The following RIT2 variants were observed in gnomAD, a reference collection of about 807,000 sequenced individuals.
RIT2 encodes Ras like without CAAX 2.
Under a neutral mutation model 23.7 loss-of-function variants are expected in RIT2, and 24 were observed. The observed-to-expected ratio is 1.01, with a 90% confidence interval of 0.73 to 1.43. The LOEUF (loss-of-function observed/expected upper bound fraction) is 1.43. Ranked by LOEUF, RIT2 falls within the 40% of genes most tolerant of loss-of-function variation. The pLI is 0.00. For synonymous variants in RIT2, 107 were observed against 91.1 expected (o/e 1.17, Z -0.99); for missense variants, 236 against 266.9 (o/e 0.88, Z 0.81).
chr18:42,789,997 T>G (rs1454747914), intron 4 of RIT2, among the ~76,000 whole-genome samples: 1 of 152,180 alleles, frequency 6.6e-6, no homozygotes, highest in Non-Finnish European at 1.5e-5. Flanking sequence ...TGTATATTCC[T>G]TCTATTCCTA....
At chr18:42,899,156 T>C (rs1485735259) in intron 4 of RIT2, among the ~76,000 whole-genome samples, 2 of 151,870 alleles carry the variant, frequency 1.3e-5, no homozygotes, top group Non-Finnish European at 2.9e-5. Flanking sequence ...TACTTTACAG[T>C]TTCTTTCACT....
At chr18:42,755,756 G>A (rs932423823) in intron 4 of RIT2, among the ~76,000 whole-genome samples, 1 of 152,120 alleles carries the variant, frequency 6.6e-6, no homozygotes, top group Non-Finnish European at 1.5e-5. Context: ...ATACAGCTGA[G>A]GCTACAATAA....
At chr18:42,935,498 T>C (rs1477256893) in intron 3 of RIT2, among the ~76,000 whole-genome samples, 1 of 152,132 alleles carries the variant, frequency 6.6e-6, no homozygotes, top group Non-Finnish European at 1.5e-5. Context: ...GACTCACCCA[T>C]CCAGCACTTA....
intron 2 of RIT2, among the ~76,000 whole-genome samples, chr18:43,027,260 T>C (rs1473534930): frequency 6.6e-6 from 1 of 152,110 alleles, no homozygotes; most frequent in Non-Finnish European, 1.5e-5. Flanking sequence ...TCTGAGCAGC[T>C]TTATAGCAAG....
At chr18:43,016,515 T>G (rs1168551455) in intron 2 of RIT2, among the ~76,000 whole-genome samples, 2 of 151,844 alleles carry the variant, frequency 1.3e-5, no homozygotes. Flanking sequence ...ATATAAATTC[T>G]AAATGTACAG....
At chr18:43,105,183 A>G (rs867674696) in intron 1 of RIT2, among the ~76,000 whole-genome samples, 31 of 151,574 alleles carry the variant, frequency 2.0e-4, no homozygotes, top group African/African-American at 7.3e-4. Context: ...TAGGATGAAT[A>G]AAGGGATTGT....
intron 2 of RIT2, among the ~76,000 whole-genome samples, chr18:43,028,568 T>C (rs1288680660): frequency 6.6e-6 from 1 of 152,038 alleles, no homozygotes; most frequent in African/African-American, 2.4e-5. Context: ...TCCAGAGTCA[T>C]TAATAAATAT....
At chr18:42,951,658 T>C (rs1017379812) in intron 3 of RIT2, among the ~76,000 whole-genome samples, 1 of 152,062 alleles carries the variant, frequency 6.6e-6, no homozygotes, top group Admixed American at 6.6e-5. Context: ...ATTCAACCAA[T>C]TGAATTGAAA....
At chr18:43,015,689 A>G (rs978116892) in intron 2 of RIT2, among the ~76,000 whole-genome samples, 7 of 151,756 alleles carry the variant, frequency 4.6e-5, no homozygotes, top group African/African-American at 1.7e-4. Context: ...CAGATATCCC[A>G]GAATGAGTTT....
intron 1 of RIT2, among the ~76,000 whole-genome samples, chr18:43,097,974 T>C (rs1245850467): frequency 1.3e-5 from 2 of 152,004 alleles, no homozygotes; most frequent in Non-Finnish European, 2.9e-5. Context: ...GAGGACCTTA[T>C]TAGTTAGCTA....
intron 1 of RIT2, among the ~76,000 whole-genome samples, chr18:43,083,993 A>T (rs1188445741): frequency 6.6e-6 from 1 of 152,194 alleles, no homozygotes; most frequent in Non-Finnish European, 1.5e-5. Context: ...CATCTGACAA[A>T]GATCTAATAT....
intron 1 of RIT2, among the ~76,000 whole-genome samples, chr18:43,109,613 C>T (rs1913906690): frequency 6.6e-6 from 1 of 152,162 alleles, no homozygotes; most frequent in South Asian, 2.1e-4. Context: ...ACTTTCACAT[C>T]TCTTATAGCC....
intron 4 of RIT2, among the ~76,000 whole-genome samples, chr18:42,778,557 G>A (rs1039344275): frequency 6.6e-6 from 1 of 152,102 alleles, no homozygotes; most frequent in Non-Finnish European, 1.5e-5. Flanking sequence ...GATAACCCAT[G>A]TACATGGGAT....
chr18:42,970,479 G>A (rs752786968), intron 3 of RIT2, among the ~76,000 whole-genome samples: 1 of 152,014 alleles, frequency 6.6e-6, no homozygotes, highest in Non-Finnish European at 1.5e-5. Flanking sequence ...TGTATAATAA[G>A]ATGAAGTGCA....
intron 3 of RIT2, among the ~76,000 whole-genome samples, chr18:42,958,850 A>G (rs147841797): frequency 6.6e-6 from 1 of 152,186 alleles, no homozygotes; most frequent in African/African-American, 2.4e-5. Context: ...TTCTTTCTCT[A>G]TGCTATTCCA....
intron 4 of RIT2, among the ~76,000 whole-genome samples, chr18:42,871,633 A>T (rs890813668): frequency 6.6e-6 from 1 of 152,186 alleles, no homozygotes; most frequent in Non-Finnish European, 1.5e-5. Flanking sequence ...AAGAAAGCAA[A>T]CACAATCGCC....
intron 1 of RIT2, among the ~76,000 whole-genome samples, chr18:43,114,073 C>T (rs1015479778): frequency 6.6e-6 from 1 of 152,226 alleles, no homozygotes; most frequent in South Asian, 2.1e-4. Flanking sequence ...CCTTCCTTCT[C>T]AAATCATTAT....
chr18:42,945,577 T>A (rs1909709683), intron 3 of RIT2, among the ~76,000 whole-genome samples: 1 of 152,168 alleles, frequency 6.6e-6, no homozygotes, highest in South Asian at 2.1e-4. Context: ...TGTTTACCCA[T>A]GACAGAAGAA....
At chr18:42,843,790 A>AG (rs1263905245) in intron 4 of RIT2, among the ~76,000 whole-genome samples, 1 of 152,200 alleles carries the variant, frequency 6.6e-6, no homozygotes, top group African/African-American at 2.4e-5. Flanking sequence ...GTGATGAAAC[A>AG]GGGTCTGTCA....
Sources: gnomAD v4.1 joint callset for allele counts (sites outside exome capture counted in the v4.1 genomes callset) on GRCh38, gnomAD v4.1.1 for gene constraint, MANE v1.5 for transcripts, NCBI Gene and HGNC (gene_info 2026-07-23, HGNC 2026-07-21) for gene names.